The following MCUB variants were observed in gnomAD, a reference collection of about 807,000 sequenced individuals.
MCUB encodes the protein mitochondrial calcium uniporter dominant negative subunit beta.
Under a neutral mutation model 41.4 loss-of-function variants are expected in MCUB, and 46 were observed. The observed-to-expected ratio is 1.11, with a 90% CI of 0.88 to 1.42. The LOEUF (loss-of-function observed/expected upper bound fraction) is 1.42, where lower values mean the gene tolerates loss of function less well. MCUB is among the 40% of genes most tolerant of loss of function. MCUB has a pLI of 0.00. For synonymous variants in MCUB, 148 were observed against 148.2 expected, an observed-to-expected ratio of 1.00 and a Z score of 0.01; for missense variants, 403 against 404.9, an observed-to-expected ratio of 1.00 and a Z score of 0.04.
At chr4:109,576,164 G>A (rs923157748) in intron 1 of MCUB, among the ~76,000 whole-genome samples, 4 of 152,128 alleles carry the variant, frequency 2.6e-5, no homozygotes, top group African/African-American at 9.7e-5. Context: ...GACGAAATAC[G>A]GATCAAGAGG....
intron 3 of MCUB, among the ~76,000 whole-genome samples, chr4:109,662,544 T>C (rs1729251583): frequency 6.6e-6 from 1 of 152,208 alleles, no homozygotes; most frequent in Admixed American, 6.5e-5. Flanking sequence ...GAAAAGGGAC[T>C]CTTTGGACTG....
At chr4:109,576,370 A>G (rs1272489992) in intron 1 of MCUB, among the ~76,000 whole-genome samples, 1 of 152,224 alleles carries the variant, frequency 6.6e-6, no homozygotes, top group Admixed American at 6.5e-5. Flanking sequence ...TGATCATTCA[A>G]ACTTATCAGA....
chr4:109,642,826 C>T (rs1046187125), intron 1 of MCUB, among the ~76,000 whole-genome samples: 1 of 151,332 alleles, frequency 6.6e-6, no homozygotes, highest in Non-Finnish European at 1.5e-5. Context: ...TGTCATACTC[C>T]CTGACATATT....
intron 1 of MCUB, among the ~76,000 whole-genome samples, chr4:109,635,149 T>C (rs1317879585): frequency 6.6e-6 from 1 of 152,234 alleles, no homozygotes; most frequent in African/African-American, 2.4e-5. Context: ...TTTTTATTGC[T>C]GCATAGTATT....
chr4:109,608,798 G>A (rs1727937228), intron 1 of MCUB, among the ~76,000 whole-genome samples: 1 of 152,170 alleles, frequency 6.6e-6, no homozygotes, highest in Admixed American at 6.5e-5. Context: ...ACCATACCCG[G>A]CCTGAAGAGT....
chr4:109,684,532 ACTGGC>A lies in MCUB; in HGVS notation c.708_712del (p.Trp237HisfsTer42), dbSNP rs1293194860. 1 of 1,613,640 alleles carries A rather than the reference ACTGGC, an allele frequency of 6.2e-7. No homozygotes were observed. The highest frequency in any genetic ancestry group is 1.7e-5 in the Admixed American group (1 of 60,002). ...CACTGCTGTCCATTCAGGGTGGGGCACTGGCCTGGCTCACGTGGTGGGTGTACTCC... is the reference window on the plus strand; with the variant it reads ...CACTGCTGTCCATTCAGGGTGGGGCACTGGCTCACGTGGTGGGTGTACTCC... On this transcript the variant is annotated frameshift_variant, in exon 6 of 8. Transcript: ENST00000394650. LOFTEE classifies it high-confidence loss of function.
At chr4:109,663,918 C>T (rs1175237083) in intron 3 of MCUB, among the ~76,000 whole-genome samples, 1 of 151,098 alleles carries the variant, frequency 6.6e-6, no homozygotes, top group African/African-American at 2.4e-5. Context: ...GCCTACACTC[C>T]ACCCTACCCC....
intron 4 of MCUB, chr4:109,673,989 G>A: frequency 1.0e-6 from 1 of 990,020 alleles, no homozygotes. Flanking sequence ...ACAAACTGAA[G>A]AGCAGGGGAA....
At position 109,627,917 on chromosome 4, in the gene MCUB, G is replaced by GA. The variant is rs35135859; in HGVS notation, c.100-31080dup. On this transcript the variant is annotated intron_variant, in intron 1 of 7. Coordinates refer to ENST00000394650, the MANE Select transcript of MCUB (RefSeq NM_017918.5). ...GACAGAGTAAGACTCTGTCTCAGAA[G>GA]AAAAAAAAAAAAAAGAGGATCCTTG... 4.1e-3 allele frequency among the ~76,000 whole-genome samples: 552 copies of GA among 135,406 alleles called. 4 individuals carry two copies. Among genetic ancestry groups the GA allele is most frequent in the East Asian group, 0.015 (72 of 4,674 alleles). The allele number at this position is 135,406 out of a possible 152,430, so 88.8% of individuals were successfully genotyped here. A position where few individuals can be genotyped will look rare whatever the true frequency, so the allele number is the denominator to read the frequency against.
At position 109,681,083 on chromosome 4, in the gene MCUB, G is replaced by A. The variant is rs147903536; in HGVS notation, c.452-1499G>A. ...TTACTCTTAGTTCTTAGCTGGGATG[G>A]ACCCCTGTGATAAGAGAGATTACTA... is the stretch of plus-strand genomic sequence containing the variant. On this transcript the variant is annotated intron_variant, in intron 4 of 7. Coordinates refer to ENST00000394650, the MANE Select transcript of MCUB (RefSeq NM_017918.5). Among the ~76,000 whole-genome samples, 773 of 152,212 alleles carry A rather than the reference G, an allele frequency of 5.1e-3. 3 individuals are homozygous for A. The highest frequency in any genetic ancestry group is 0.018 in the African/African-American group (733 of 41,506).
chr4:109,620,591 A>C (rs969336201), intron 1 of MCUB, among the ~76,000 whole-genome samples: 4 of 151,516 alleles, frequency 2.6e-5, no homozygotes, highest in African/African-American at 9.7e-5. Flanking sequence ...TCATGAATGT[A>C]TAAATTAGCA....
At chr4:109,612,634 A>T (rs1332178421) in intron 1 of MCUB, among the ~76,000 whole-genome samples, 1 of 152,146 alleles carries the variant, frequency 6.6e-6, no homozygotes, top group Admixed American at 6.5e-5. Context: ...AAACCTAATT[A>T]TCTTTCAAAG....
At chr4:109,606,749 C>G (rs1727880362) in intron 1 of MCUB, among the ~76,000 whole-genome samples, 1 of 151,976 alleles carries the variant, frequency 6.6e-6, no homozygotes, top group South Asian at 2.1e-4. Context: ...TATCATAGTT[C>G]TTTTTTGTGT....
At chr4:109,608,744 G>C (rs1727935791) in intron 1 of MCUB, among the ~76,000 whole-genome samples, 1 of 152,004 alleles carries the variant, frequency 6.6e-6, no homozygotes, top group African/African-American at 2.4e-5. Context: ...CAAGCAGTCT[G>C]CCTGCCTTGG....
At chr4:109,599,964 C>T (rs1727690128) in intron 1 of MCUB, among the ~76,000 whole-genome samples, 1 of 152,166 alleles carries the variant, frequency 6.6e-6, no homozygotes, top group Non-Finnish European at 1.5e-5. Flanking sequence ...GCCACCGCAC[C>T]CCATGTTGAT....
At chr4:109,608,443 G>T (rs1343720472) in intron 1 of MCUB, among the ~76,000 whole-genome samples, 1 of 151,998 alleles carries the variant, frequency 6.6e-6, no homozygotes, top group Non-Finnish European at 1.5e-5. Context: ...GATGGTCTTG[G>T]TATTTGTAGA....
chr4:109,621,780 A>C (rs966141338), intron 1 of MCUB, among the ~76,000 whole-genome samples: 1 of 152,218 alleles, frequency 6.6e-6, no homozygotes, highest in African/African-American at 2.4e-5. Flanking sequence ...AGTTATTACC[A>C]AGGAATAATT....
chr4:109,594,592 G>A (rs2126129222), intron 1 of MCUB, among the ~76,000 whole-genome samples: 1 of 152,172 alleles, frequency 6.6e-6, no homozygotes, highest in East Asian at 1.9e-4. Context: ...CCGGGAGGCG[G>A]AGGTTGCAGT....
At chr4:109,660,106 A>T (rs1729194951) in intron 2 of MCUB, 89 bp from the exon 3 acceptor site, 4 of 683,042 alleles carry the variant, frequency 5.9e-6, no homozygotes. Flanking sequence ...TGTGAATTTC[A>T]TGTTTGAGCA....
Sources: allele counts gnomAD v4.1 joint callset (sites outside exome capture counted in the v4.1 genomes callset), GRCh38; gene constraint gnomAD v4.1.1; transcripts MANE v1.5; gene names NCBI Gene and HGNC (gene_info 2026-07-23, HGNC 2026-07-21).